RTTN: variants seen among roughly 807,000 people sequenced by gnomAD.
RTTN encodes rotatin.
RTTN carries 182 observed loss-of-function variants against 269.2 expected under a neutral mutation model. That is an observed-to-expected ratio of 0.68 (90% confidence interval 0.60 to 0.76). RTTN has a LOEUF of 0.76. Ranked by LOEUF, RTTN falls within the 30% of genes least tolerant of loss-of-function variation. The pLI is 0.00. For missense variants in RTTN, 2,545 were observed against 2,608.6 expected (o/e 0.98, Z 0.53); for synonymous variants, 1,006 against 963.5 (o/e 1.04, Z -0.82).
chr18:70,128,397 T>C lies in RTTN; in HGVS notation c.3104A>G (p.Asn1035Ser), dbSNP rs776725008. ...WNLSWYHGSDNLLKQMNSETK... is the reference protein window; with the variant it reads ...WNLSWYHGSDSLLKQMNSETK... ...TTCAGAGTTCATTTGCTTCAACAGATTATCACTCCCATGATACCATGACAG... is the reference window on the plus strand; with the variant it reads ...TTCAGAGTTCATTTGCTTCAACAGACTATCACTCCCATGATACCATGACAG... Residue 1035 changes from asparagine to serine, a missense_variant, in exon 24 of 49, where the codon AAT becomes AGT. Physicochemically the swap from Asn to Ser is conservative, Grantham distance 46. Transcript: ENST00000640769. 5 of 1,613,070 alleles carry C rather than the reference T, an allele frequency of 3.1e-6. No individual in the cohort carries two copies. The East Asian group carries it at 1.1e-4, about 36-fold the overall frequency.
At chr18:70,079,558 G>A (rs376148577) in intron 32 of RTTN, among the ~76,000 whole-genome samples, 7 of 152,052 alleles carry the variant, frequency 4.6e-5, no homozygotes, top group African/African-American at 1.7e-4. Context: ...TTCTAGCATA[G>A]TGGGGAAATT....
rs1254671923 is a variant in RTTN at position 70,150,067 on chromosome 18, G to T, written c.2076C>A (p.Ala692=). The change falls in exon 16 of 49, where the codon GCC becomes GCA. Residue 692 remains alanine (A), a synonymous_variant. Coordinates refer to ENST00000640769, the MANE Select transcript of RTTN (RefSeq NM_173630.4). ...PESEVNTAAK[A]ILLYLLQGRL... ...GTCCCTGAAGCAGGTATAACAGAAT[G>T]GCCTTGGCAGCAGTGTTCACCTGCT... The T allele has an allele frequency of 6.2e-7, 1 of 1,612,916 alleles. No individual in the cohort carries two copies. Among genetic ancestry groups the T allele is most frequent in the South Asian group, 1.1e-5 (1 of 91,038 alleles).
intron 38 of RTTN, among the ~76,000 whole-genome samples, chr18:70,051,822 G>A (rs2057679594): frequency 6.6e-6 from 1 of 152,038 alleles, no homozygotes; most frequent in South Asian, 2.1e-4. Flanking sequence ...CAATCAGAAG[G>A]TGTGACAAAC....
intron 17 of RTTN, among the ~76,000 whole-genome samples, chr18:70,146,167 G>A (rs1275280972): frequency 6.6e-6 from 1 of 152,156 alleles, no homozygotes; most frequent in East Asian, 1.9e-4. Flanking sequence ...CAAATGTTAA[G>A]TTGAACCCAC....
At position 70,050,893 on chromosome 18, in the gene RTTN, T is replaced by C. The variant is rs2057644720; in HGVS notation, c.5323+518A>G. 2.0e-5 allele frequency among the ~76,000 whole-genome samples: 3 copies of C among 151,880 alleles called. No homozygotes were observed. In the South Asian group the frequency reaches 6.2e-4, roughly 32 times the overall value. On this transcript the variant is annotated intron_variant, in intron 39 of 48. Coordinates refer to ENST00000640769, the MANE Select transcript of RTTN (RefSeq NM_173630.4). ...ACAATGAGAACACATGGACACAGGG[T>C]AGGGAACATCACACACCGTGTCGGG...
chr18:70,041,195 G>A (rs1455556979), intron 40 of RTTN, among the ~76,000 whole-genome samples: 19 of 151,802 alleles, frequency 1.3e-4, no homozygotes, highest in Non-Finnish European at 4.4e-5. Context: ...GGGTGACAGA[G>A]TGAGACTCTG....
intron 10 of RTTN, among the ~76,000 whole-genome samples, chr18:70,178,929 AAT>A (rs2061361342): frequency 6.6e-6 from 1 of 152,160 alleles, no homozygotes; most frequent in South Asian, 2.1e-4. Context: ...TGGACTTATA[AAT>A]TTTAACTCAG....
intron 8 of RTTN, among the ~76,000 whole-genome samples, chr18:70,191,375 G>A (rs577672975): frequency 2.0e-4 from 30 of 152,224 alleles, no homozygotes; most frequent in African/African-American, 7.0e-4. Context: ...TGTAATCAAC[G>A]TGTAGAGACA....
At chr18:70,037,003 C>T (rs1238690860) in intron 40 of RTTN, among the ~76,000 whole-genome samples, 1 of 152,204 alleles carries the variant, frequency 6.6e-6, no homozygotes, top group Non-Finnish European at 1.5e-5. Context: ...GACTGGGGGA[C>T]TTCACACTGA....
chr18:70,088,117 C>T lies in RTTN; in HGVS notation c.4174G>A (p.Ala1392Thr), dbSNP rs762112262. 6 of 1,613,636 alleles carry T rather than the reference C, an allele frequency of 3.7e-6. No individual in the cohort carries two copies. Among genetic ancestry groups the T allele is most frequent in the Non-Finnish European group, 4.2e-6 (5 of 1,179,814 alleles). Reference sequence around the variant, plus strand: ...CAGCCCGTTTCAAGGGTGGTCAGTGCTGATCCTAATCCCAGTGAAGTGAAT... The same window carrying T: ...CAGCCCGTTTCAAGGGTGGTCAGTGTTGATCCTAATCCCAGTGAAGTGAAT... The part of the protein sequence containing the change: ...VRFTSLGLGS[A>T]LTTLETGCVA... Residue 1392 changes from alanine (A) to threonine (T), a missense_variant, in exon 31 of 49, where the codon GCA becomes ACA. Coordinates refer to ENST00000640769, the MANE Select transcript of RTTN (RefSeq NM_173630.4).
Position 70,113,373 on chromosome 18 carries a change from G to T in RTTN, c.3683+1072C>A, listed in dbSNP as rs1043465958. On this transcript the variant is annotated intron_variant, in intron 27 of 48. Coordinates refer to ENST00000640769, the MANE Select transcript of RTTN (RefSeq NM_173630.4). ...GATACCAGTCTACACCCATTAGGAT[G>T]CTATAATAACAGGTGTTGGTGAGGA... 2.6e-5 allele frequency among the ~76,000 whole-genome samples: 4 copies of T among 152,172 alleles called. No individual in the cohort carries two copies. In the South Asian group the frequency reaches 8.3e-4, roughly 32 times the overall value.
intron 45 of RTTN, 38 bp from the exon 46 acceptor site, chr18:70,017,712 C>G (rs1568245276): frequency 1.3e-6 from 2 of 1,539,656 alleles, no homozygotes; most frequent in Non-Finnish European, 1.8e-6. Flanking sequence ...TTCTTCTCAT[C>G]TTTTTCATTA....
chr18:70,078,339 T>C (rs11661870), intron 32 of RTTN, among the ~76,000 whole-genome samples: 1 of 151,944 alleles, frequency 6.6e-6, no homozygotes, highest in Non-Finnish European at 1.5e-5. Flanking sequence ...TTTTCAAATA[T>C]GCAAGAACTT....
In RTTN at chr18:70,097,866, G is replaced by A. The variant is rs185730019; in HGVS notation, c.3904-5062C>T. Among the ~76,000 whole-genome samples the A allele has an allele frequency of 1.3e-3, 204 of 152,234 alleles. 1 individual carries two copies. The highest frequency in any genetic ancestry group is 3.9e-3 in the African/African-American group (162 of 41,548). On this transcript the variant is annotated intron_variant, in intron 28 of 48. Coordinates refer to ENST00000640769, the MANE Select transcript of RTTN (RefSeq NM_173630.4). Reference sequence around the variant, plus strand: ...TAGGTGTGATCTAAAGTCTTTGCACGTAATTTTAAAACAAAAGCACTTCTG... The same window carrying A: ...TAGGTGTGATCTAAAGTCTTTGCACATAATTTTAAAACAAAAGCACTTCTG...
At chr18:70,034,167 C>A (rs1183665501) in intron 40 of RTTN, among the ~76,000 whole-genome samples, 1 of 151,928 alleles carries the variant, frequency 6.6e-6, no homozygotes, top group Admixed American at 6.6e-5. Flanking sequence ...CACTGTTCCC[C>A]AAAAAAATGA....
intron 34 of RTTN, among the ~76,000 whole-genome samples, chr18:70,072,626 A>C (rs2058325808): frequency 6.6e-6 from 1 of 152,160 alleles, no homozygotes; most frequent in African/African-American, 2.4e-5. Flanking sequence ...GATAACTCAA[A>C]GTTAATTAGA....
rs758049534 is a variant in RTTN, at chr18:70,020,683, G to T, written c.6085C>A (p.Gln2029Lys). 6.2e-7 allele frequency: 1 copy of T among 1,614,058 alleles called. No individual in the cohort carries two copies. Among genetic ancestry groups the T allele is most frequent in the East Asian group, 2.2e-5 (1 of 44,888 alleles). Residue 2029 changes from glutamine (Q) to lysine (K), a missense_variant, in exon 45 of 49, where the codon CAG becomes AAG. Transcript: ENST00000640769. ...GAAAGAAGCATAAAAACCATCTGCT[G>T]AACCGTGGTGTTCTCCAGTGGCATC... is the stretch of plus-strand genomic sequence containing the variant. ...SQMPLENTTV[Q>K]QMVFMLLSNL...
chr18:70,131,107 TAGTG>T lies in RTTN; in HGVS notation c.2955-2565_2955-2562del, dbSNP rs368258036. 747 of 148,542 alleles carry T rather than the reference TAGTG, an allele frequency of 5.0e-3. 4 individuals are homozygous for T. The highest frequency in any genetic ancestry group is 0.017 in the African/African-American group (707 of 40,454). The allele number at this position is 148,542 out of a possible 1,614,324, so 9.2% of individuals were successfully genotyped here. A position where few individuals can be genotyped will look rare whatever the true frequency, so the allele number is the denominator to read the frequency against. ...AACTGCCAACCTAGAATTCTATACC[TAGTG>T]ATAACATTTTTTAAAACAGAAAGAA... On this transcript the variant is annotated intron_variant, in intron 23 of 48. Coordinates refer to ENST00000640769, the MANE Select transcript of RTTN (RefSeq NM_173630.4).
At chr18:70,040,718 G>A (rs2144712828) in intron 40 of RTTN, among the ~76,000 whole-genome samples, 1 of 152,256 alleles carries the variant, frequency 6.6e-6, no homozygotes, top group Admixed American at 6.5e-5. Context: ...TATTCCATAT[G>A]TTAGGTTCAC....
Sources: gnomAD v4.1 joint callset for allele counts (sites outside exome capture counted in the v4.1 genomes callset) on GRCh38, gnomAD v4.1.1 for gene constraint, MANE v1.5 for transcripts, NCBI Gene and HGNC (gene_info 2026-07-23, HGNC 2026-07-21) for gene names.